The following GRIK2 variants were observed in gnomAD, a reference collection of about 807,000 sequenced individuals.
GRIK2 encodes the protein glutamate ionotropic receptor kainate type subunit 2, also known as glutamate receptor ionotropic, kainate 2.
Under a neutral mutation model 100.3 loss-of-function variants are expected in GRIK2, and 32 were observed. The observed-to-expected ratio is 0.32, with a 90% CI of 0.24 to 0.43. GRIK2 has a LOEUF of 0.43. Ranked by LOEUF, GRIK2 falls within the 20% of genes least tolerant of loss-of-function variation. GRIK2 has a pLI of 1.00. For missense variants in GRIK2, 843 were observed against 1,114.9 expected, an observed-to-expected ratio of 0.76 and a Z score of 3.47; for synonymous variants, 417 against 389.4, an observed-to-expected ratio of 1.07 and a Z score of -0.83.
chr6:102,016,371 T>C (rs1266255519), intron 14 of GRIK2, among the ~76,000 whole-genome samples: 1 of 152,032 alleles, frequency 6.6e-6, no homozygotes, highest in Non-Finnish European at 1.5e-5. Context: ...AACACCAGAA[T>C]AGACCATGCT....
chr6:101,597,475 T>G (rs1778977762), intron 2 of GRIK2, among the ~76,000 whole-genome samples: 1 of 151,796 alleles, frequency 6.6e-6, no homozygotes, highest in African/African-American at 2.4e-5. Context: ...AAAGACAGGG[T>G]TTGGTTCACC....
chr6:101,928,712 G>A, intron 14 of GRIK2, 80 bp downstream of exon 14: 1 of 740,406 alleles, frequency 1.4e-6, no homozygotes. Flanking sequence ...ATGTAAGAGT[G>A]TAACAACGCC....
chr6:102,065,958 T>C (rs1426317844), intron 16 of GRIK2: 4 of 1,235,186 alleles, frequency 3.2e-6, no homozygotes, highest in African/African-American at 1.6e-5. Context: ...AAACACTGTT[T>C]CCATATACTG....
chr6:101,751,229 A>G (rs1396038653), intron 7 of GRIK2, among the ~76,000 whole-genome samples: 4 of 151,996 alleles, frequency 2.6e-5, no homozygotes, highest in Non-Finnish European at 4.4e-5. Context: ...ATGAGCCACC[A>G]CACCTAGCTA....
At chr6:102,028,458 A>G (rs1484709074) in intron 14 of GRIK2, among the ~76,000 whole-genome samples, 1 of 151,294 alleles carries the variant, frequency 6.6e-6, no homozygotes. Flanking sequence ...TCCCAAATCC[A>G]TCTAATATAA....
chr6:101,557,671 A>G (rs745907738), intron 2 of GRIK2, among the ~76,000 whole-genome samples: 6 of 152,202 alleles, frequency 3.9e-5, no homozygotes, highest in Non-Finnish European at 8.8e-5. Context: ...AAGCCGCTCT[A>G]TAAGAATAGA....
At chr6:101,475,979 G>A (rs1425886198) in intron 2 of GRIK2, among the ~76,000 whole-genome samples, 1 of 152,024 alleles carries the variant, frequency 6.6e-6, no homozygotes, top group East Asian at 1.9e-4. Flanking sequence ...CATTTGATAT[G>A]CTTAATCTGG....
At chr6:101,739,547 A>G (rs76359191) in intron 7 of GRIK2, among the ~76,000 whole-genome samples, 2,895 of 152,290 alleles carry the variant, frequency 0.019, 88 homozygotes, top group African/African-American at 0.065. Flanking sequence ...TCTCTTAAAT[A>G]AGGACTAGTC....
intron 7 of GRIK2, among the ~76,000 whole-genome samples, chr6:101,692,098 G>A (rs373184190): frequency 2.1e-5 from 3 of 144,226 alleles, no homozygotes; most frequent in East Asian, 4.1e-4. Flanking sequence ...GAGAAATAAA[G>A]TATGAACAGA....
chr6:101,668,443 T>A (rs914169837), intron 4 of GRIK2, among the ~76,000 whole-genome samples: 1 of 152,210 alleles, frequency 6.6e-6, no homozygotes, highest in African/African-American at 2.4e-5. Context: ...ACAAAATCCA[T>A]AGCTGGTACA....
Position 101,399,143 on chromosome 6 carries a change from C to A in GRIK2, c.-135C>A. The A allele has an allele frequency of 1.6e-6, 1 of 609,200 alleles. No individual in the cohort carries two copies. The highest frequency in any genetic ancestry group is 2.0e-5 in the South Asian group (1 of 49,798). The allele number at this position is 609,200 out of a possible 1,614,324, so 37.7% of individuals were successfully genotyped here. The stretch of plus-strand genomic sequence containing the variant: ...TGCTAATGGGTTTGGGAAGCGGAGA[C>A]TCCTTCCTCTCTCTATGACCATGCC... On this transcript the variant is annotated 5_prime_UTR_variant, in exon 2 of 17. Coordinates refer to ENST00000369134, the MANE Select transcript of GRIK2 (RefSeq NM_021956.5).
chr6:101,728,683 G>A (rs1370653922), intron 7 of GRIK2, among the ~76,000 whole-genome samples: 4 of 151,996 alleles, frequency 2.6e-5, no homozygotes, highest in Admixed American at 2.0e-4. Flanking sequence ...AGCACTCAGT[G>A]TTGTTATTAT....
chr6:102,024,655 T>A (rs151194108), intron 14 of GRIK2, among the ~76,000 whole-genome samples: 30 of 151,360 alleles, frequency 2.0e-4, no homozygotes, highest in African/African-American at 7.0e-4. Flanking sequence ...CCATTCTTGA[T>A]GTATGTGGAG....
At chr6:101,689,367 G>A (rs1771933260) in intron 7 of GRIK2, among the ~76,000 whole-genome samples, 1 of 152,066 alleles carries the variant, frequency 6.6e-6, no homozygotes, top group Non-Finnish European at 1.5e-5. Context: ...ATTTGCCATT[G>A]TGTAAGATCA....
chr6:102,008,772 T>G (rs1795372257), intron 14 of GRIK2, among the ~76,000 whole-genome samples: 1 of 152,148 alleles, frequency 6.6e-6, no homozygotes, highest in African/African-American at 2.4e-5. Context: ...AAGTGAGTGC[T>G]TCAGGACTTT....
intron 14 of GRIK2, among the ~76,000 whole-genome samples, chr6:101,952,238 T>G (rs1791646214): frequency 6.6e-6 from 1 of 152,190 alleles, no homozygotes; most frequent in Non-Finnish European, 1.5e-5. Context: ...TTCATCCAGG[T>G]TGTTATGAGA....
chr6:102,068,868 A>G lies in GRIK2; in HGVS notation c.*357A>G, dbSNP rs41285450. The G allele has an allele frequency of 4.3e-3, 789 of 181,518 alleles. 4 individuals are homozygous for G. Among genetic ancestry groups the G allele is most frequent in the Non-Finnish European group, 7.8e-3 (665 of 85,720 alleles). 11.2% of individuals were successfully genotyped at this position (181,518 alleles called of 1,614,324 possible). A position where few individuals can be genotyped will look rare whatever the true frequency, so the allele number is the denominator to read the frequency against. On this transcript the variant is annotated 3_prime_UTR_variant, in exon 17 of 17. Coordinates refer to ENST00000369134, the MANE Select transcript of GRIK2 (RefSeq NM_021956.5). ...AGGAGATGGAATATCAATGCCCAAC[A>G]GGGCAACCAATAAAAGTGTCACTAA... is the stretch of plus-strand genomic sequence containing the variant.
At chr6:101,645,085 C>T (rs1271645688) in intron 4 of GRIK2, among the ~76,000 whole-genome samples, 1 of 150,654 alleles carries the variant, frequency 6.6e-6, no homozygotes, top group Non-Finnish European at 1.5e-5. Context: ...GACATGTAAA[C>T]ATAACTTACC....
At chr6:102,000,276 C>CTTTTTT (rs34370144) in intron 14 of GRIK2, among the ~76,000 whole-genome samples, 1 of 113,580 alleles carries the variant, frequency 8.8e-6, no homozygotes, top group African/African-American at 3.3e-5. Flanking sequence ...TTGTTGAAGG[C>CTTTTTT]TTTTTTTTTT....
Sources: gnomAD v4.1 joint callset for allele counts (sites outside exome capture counted in the v4.1 genomes callset) on GRCh38, gnomAD v4.1.1 for gene constraint, MANE v1.5 for transcripts, NCBI Gene and HGNC (gene_info 2026-07-23, HGNC 2026-07-21) for gene names.